The following TASP1 variants were observed in gnomAD, a reference collection of about 807,000 sequenced individuals.
The protein encoded by TASP1 is taspase 1.
TASP1 carries 16 observed loss-of-function variants against 56.6 expected under a neutral mutation model. The observed-to-expected ratio is 0.28, with a 90% CI of 0.19 to 0.43. The LOEUF is 0.43. Ranked by LOEUF, TASP1 falls within the 20% of genes least tolerant of loss-of-function variation. The pLI, the probability that TASP1 is intolerant of heterozygous loss-of-function variation, is 1.00. For missense variants in TASP1, 393 were observed against 511.6 expected (o/e 0.77, Z 2.24); for synonymous variants, 179 against 184.2 (o/e 0.97, Z 0.23).
At chr20:13,393,414 C>A (rs1384930899) in intron 13 of TASP1, 1 of 758,922 alleles carries the variant, frequency 1.3e-6, no homozygotes, top group Non-Finnish European at 2.4e-6. Context: ...CCTGACCTAC[C>A]GTCTGGAGAA....
At chr20:13,557,006 T>C (rs2046180329) in intron 8 of TASP1, among the ~76,000 whole-genome samples, 1 of 152,252 alleles carries the variant, frequency 6.6e-6, no homozygotes, top group Non-Finnish European at 1.5e-5. Context: ...TTGTTCACCA[T>C]TATTTTCTTA....
the TASP1 span, among the ~76,000 whole-genome samples, chr20:13,127,740 T>C: frequency 3.9e-3 from 594 of 152,312 alleles, 6 homozygotes; most frequent in African/African-American, 0.013. Context: ...GACAAGACTT[T>C]TTCTTTTTCA....
chr20:13,397,786 GGTAAAA>G (rs2041596286), intron 13 of TASP1, among the ~76,000 whole-genome samples: 2 of 152,040 alleles, frequency 1.3e-5, no homozygotes, highest in Non-Finnish European at 2.9e-5. Context: ...TGTCTTTTTC[GGTAAAA>G]GTGAAAAACT....
At chr20:13,217,607 G>C in the TASP1 span, among the ~76,000 whole-genome samples, 2 of 152,110 alleles carry the variant, frequency 1.3e-5, no homozygotes, top group African/African-American at 4.8e-5. Flanking sequence ...GTACAATCAA[G>C]AGGCAGAATG....
At chr20:13,360,294 A>T in the TASP1 span, among the ~76,000 whole-genome samples, 1 of 149,446 alleles carries the variant, frequency 6.7e-6, no homozygotes, top group African/African-American at 2.5e-5. Context: ...TCAGCAAATT[A>T]CCTAGGCTGT....
chr20:13,253,345 GT>G, the TASP1 span, among the ~76,000 whole-genome samples: 28,736 of 152,126 alleles, frequency 0.19, 2,814 homozygotes, highest in East Asian at 0.25. Flanking sequence ...TGAGGAGTGG[GT>G]GACCACTCAG....
the TASP1 span, chr20:13,160,236 A>T: frequency 7.3e-7 from 1 of 1,375,516 alleles, no homozygotes; most frequent in Admixed American, 2.6e-5. Flanking sequence ...CTCTTGGGTT[A>T]TTTAGGAAAA....
the TASP1 span, among the ~76,000 whole-genome samples, chr20:13,283,864 A>T: frequency 6.6e-6 from 1 of 152,170 alleles, no homozygotes; most frequent in African/African-American, 2.4e-5. Context: ...ATTTTTTTTC[A>T]GTGGTTTTCC....
chr20:13,124,084 A>G, the TASP1 span, among the ~76,000 whole-genome samples: 1 of 152,236 alleles, frequency 6.6e-6, no homozygotes. Context: ...TCAGGCCAGC[A>G]TCATGCACAT....
At chr20:13,448,293 T>C (rs1010592849) in intron 11 of TASP1, among the ~76,000 whole-genome samples, 1 of 152,110 alleles carries the variant, frequency 6.6e-6, no homozygotes, top group Non-Finnish European at 1.5e-5. Flanking sequence ...CCCATATGTA[T>C]TTGCATCTGT....
the TASP1 span, among the ~76,000 whole-genome samples, chr20:13,297,664 CACAGG>C: frequency 6.6e-6 from 1 of 152,230 alleles, no homozygotes; most frequent in African/African-American, 2.4e-5. Flanking sequence ...TTCACCTGTT[CACAGG>C]ATCAGTTGTT....
chr20:13,420,511 T>C (rs887239898), intron 12 of TASP1, among the ~76,000 whole-genome samples: 3 of 152,310 alleles, frequency 2.0e-5, no homozygotes, highest in Admixed American at 2.0e-4. Context: ...TTCAAATCAG[T>C]TTTCAGTTAT....
At chr20:13,322,452 C>T in the TASP1 span, among the ~76,000 whole-genome samples, 2 of 152,244 alleles carry the variant, frequency 1.3e-5, no homozygotes, top group African/African-American at 2.4e-5. Flanking sequence ...ATCTCAGCAG[C>T]TGACCATATT....
intron 4 of TASP1, among the ~76,000 whole-genome samples, chr20:13,598,172 GA>G (rs1568631575): frequency 6.6e-6 from 1 of 152,024 alleles, no homozygotes. Flanking sequence ...TACAGAATTG[GA>G]AAAACTACTT....
chr20:13,317,885 A>G, the TASP1 span, among the ~76,000 whole-genome samples: 27 of 151,176 alleles, frequency 1.8e-4, no homozygotes, highest in Non-Finnish European at 3.7e-4. Context: ...TGTGTTAGGC[A>G]ATGACTTTTT....
At chr20:13,497,014 T>C (rs2043755941) in intron 10 of TASP1, among the ~76,000 whole-genome samples, 1 of 152,180 alleles carries the variant, frequency 6.6e-6, no homozygotes, top group African/African-American at 2.4e-5. Context: ...TTCAAATGAC[T>C]ACATGTGAGC....
intron 11 of TASP1, among the ~76,000 whole-genome samples, chr20:13,465,733 C>T (rs751861664): frequency 1.3e-4 from 20 of 149,358 alleles, no homozygotes; most frequent in Non-Finnish European, 2.8e-4. Flanking sequence ...AGAGACAATC[C>T]TAAAAGGTCA....
the TASP1 span, chr20:13,221,990 G>T: frequency 8.1e-7 from 1 of 1,227,312 alleles, no homozygotes. Context: ...GCTAGTGCCG[G>T]GTGGATGCAG....
At chr20:13,378,369 T>A in the TASP1 span, among the ~76,000 whole-genome samples, 1 of 152,244 alleles carries the variant, frequency 6.6e-6, no homozygotes, top group African/African-American at 2.4e-5. Flanking sequence ...TCAGCTTCCA[T>A]GTAGTTGTGC....
Sources: gnomAD v4.1 joint callset for allele counts (sites outside exome capture counted in the v4.1 genomes callset) on GRCh38, gnomAD v4.1.1 for gene constraint, MANE v1.5 for transcripts, NCBI Gene and HGNC (gene_info 2026-07-23, HGNC 2026-07-21) for gene names.